The following PCCA variants were observed in gnomAD, a reference collection of about 807,000 sequenced individuals.
PCCA encodes propionyl-CoA carboxylase alpha chain, mitochondrial.
PCCA carries 74 observed loss-of-function variants against 101.3 expected under a neutral mutation model. The observed-to-expected ratio is 0.73, with a 90% confidence interval of 0.61 to 0.89. The LOEUF is 0.89. Among genes scored for constraint, PCCA ranks in the 40% least tolerant of loss-of-function variants. PCCA has a pLI of 0.00. For synonymous variants in PCCA, 294 were observed against 313.6 expected, an observed-to-expected ratio of 0.94 and a Z score of 0.66; for missense variants, 891 against 907.0, an observed-to-expected ratio of 0.98 and a Z score of 0.23.
intron 19 of PCCA, among the ~76,000 whole-genome samples, chr13:100,422,345 C>T (rs1222733426): frequency 6.6e-6 from 1 of 150,952 alleles, no homozygotes; most frequent in Non-Finnish European, 1.5e-5. Flanking sequence ...ACTTTGTTGC[C>T]CAGGCTGGTT....
intron 20 of PCCA, among the ~76,000 whole-genome samples, chr13:100,436,057 AAGAG>A (rs370401216): frequency 0.015 from 2,260 of 151,584 alleles, 46 homozygotes; most frequent in African/African-American, 0.05. Flanking sequence ...TAAAAAAAAA[AAGAG>A]AGAGAGAGAA....
At chr13:100,366,313 C>A (rs533804292) in intron 18 of PCCA, among the ~76,000 whole-genome samples, 2 of 152,192 alleles carry the variant, frequency 1.3e-5, no homozygotes, top group East Asian at 1.9e-4. Flanking sequence ...GGCACACAGT[C>A]CTGTCACACC....
intron 7 of PCCA, among the ~76,000 whole-genome samples, chr13:100,214,038 T>C (rs1207404416): frequency 1.3e-5 from 2 of 152,204 alleles, no homozygotes; most frequent in African/African-American, 2.4e-5. Flanking sequence ...GAATTCACTA[T>C]AGATATATGG....
chr13:100,326,544 CA>C (rs1173205361), intron 16 of PCCA, among the ~76,000 whole-genome samples: 1 of 151,818 alleles, frequency 6.6e-6, no homozygotes, highest in Non-Finnish European at 1.5e-5. Flanking sequence ...AATGAAAAAG[CA>C]AAAAAGGCAG....
intron 7 of PCCA, among the ~76,000 whole-genome samples, chr13:100,232,187 C>A (rs1417326336): frequency 6.6e-6 from 1 of 152,080 alleles, no homozygotes; most frequent in Non-Finnish European, 1.5e-5. Flanking sequence ...TGCTTTGCTG[C>A]CACTTCCTTA....
intron 12 of PCCA, 108 bp from the exon 13 acceptor site, chr13:100,301,352 A>C (rs1454073266): frequency 8.7e-6 from 10 of 1,147,246 alleles, no homozygotes; most frequent in Non-Finnish European, 1.3e-5. Flanking sequence ...TTCAAATGTT[A>C]CATTCGATTA....
intron 22 of PCCA, among the ~76,000 whole-genome samples, chr13:100,525,834 G>A (rs964575363): frequency 6.6e-6 from 1 of 152,224 alleles, no homozygotes; most frequent in Non-Finnish European, 1.5e-5. Flanking sequence ...GTGTTTGGGA[G>A]GCCGGCATGC....
chr13:100,312,508 T>C (rs1203453588), intron 16 of PCCA, among the ~76,000 whole-genome samples: 1 of 152,222 alleles, frequency 6.6e-6, no homozygotes, highest in African/African-American at 2.4e-5. Flanking sequence ...GTTATAGTAT[T>C]TTGGGAAAAT....
At chr13:100,231,204 A>C (rs1027611241) in intron 7 of PCCA, among the ~76,000 whole-genome samples, 1 of 152,202 alleles carries the variant, frequency 6.6e-6, no homozygotes, top group Non-Finnish European at 1.5e-5. Flanking sequence ...CTTTTCCACC[A>C]GCCTGTAAAT....
intron 21 of PCCA, among the ~76,000 whole-genome samples, chr13:100,511,424 G>A (rs1279783071): frequency 6.6e-6 from 1 of 152,166 alleles, no homozygotes; most frequent in African/African-American, 2.4e-5. Flanking sequence ...ACTAGGAAGA[G>A]AGCCTAATCT....
At chr13:100,227,986 T>C (rs1330835277) in intron 7 of PCCA, among the ~76,000 whole-genome samples, 1 of 152,192 alleles carries the variant, frequency 6.6e-6, no homozygotes, top group Non-Finnish European at 1.5e-5. Context: ...AAATTTGTTT[T>C]AACAATTCTG....
rs2066633848 is a variant in PCCA at position 100,308,413 on chromosome 13, C to T, written c.1353+1153C>T. Among the ~76,000 whole-genome samples the T allele has an allele frequency of 3.3e-5, 5 of 152,150 alleles. No individual in the cohort carries two copies. In the South Asian group the frequency reaches 1.0e-3, roughly 32 times the overall value. ...GATCTTGGCTCAGTGCAGCCTTGAC[C>T]TCCCAGGCTCAAGCGATCCACCTGC... is the stretch of plus-strand genomic sequence containing the variant. On this transcript the variant is annotated intron_variant, in intron 15 of 23. Coordinates refer to ENST00000376285, the MANE Select transcript of PCCA (RefSeq NM_000282.4).
At chr13:100,108,297 A>G (rs558867155) in intron 2 of PCCA, among the ~76,000 whole-genome samples, 147 of 152,336 alleles carry the variant, frequency 9.6e-4, no homozygotes, top group African/African-American at 3.3e-3. Context: ...GTTCTTCATT[A>G]TCTCTTCTGG....
At chr13:100,285,354 T>G (rs2064522950) in intron 12 of PCCA, among the ~76,000 whole-genome samples, 9 of 152,086 alleles carry the variant, frequency 5.9e-5, no homozygotes, top group Admixed American at 5.2e-4. Context: ...GTACAAAGCT[T>G]CTCTTTATAC....
At chr13:100,374,327 ATAT>A (rs1160136991) in intron 19 of PCCA, among the ~76,000 whole-genome samples, 5 of 152,196 alleles carry the variant, frequency 3.3e-5, no homozygotes, top group African/African-American at 1.2e-4. Context: ...CAAAGTAGAA[ATAT>A]TATTCAGCTT....
At chr13:100,450,360 C>G (rs1329717978) in intron 21 of PCCA, among the ~76,000 whole-genome samples, 4 of 151,016 alleles carry the variant, frequency 2.6e-5, no homozygotes, top group Non-Finnish European at 5.9e-5. Flanking sequence ...TGCCACTGCC[C>G]TCTAGCTTGT....
rs569139922 is a variant in PCCA at position 100,425,635 on chromosome 13, G to A, written c.1749G>A (p.Val583=). Reference sequence around the variant, plus strand: ...GGTCTTATTTGGTGTCACAACAGGTGGAAGTTGATGGGTCGAAACTAAATG... The same window carrying A: ...GGTCTTATTTGGTGTCACAACAGGTAGAAGTTGATGGGTCGAAACTAAATG... ...VASNNGSVFS[V]EVDGSKLNVT... The change falls in exon 20 of 24, where the codon GTG becomes GTA. Residue 583 remains valine (V), a splice_region_variant and synonymous_variant. Coordinates refer to ENST00000376285, the MANE Select transcript of PCCA (RefSeq NM_000282.4). 7 of 1,610,244 alleles carry A rather than the reference G, an allele frequency of 4.3e-6. No individual in the cohort carries two copies. Among genetic ancestry groups the A allele is most frequent in the African/African-American group, 4.0e-5 (3 of 74,972 alleles).
At chr13:100,392,351 A>G (rs1233077651) in intron 19 of PCCA, among the ~76,000 whole-genome samples, 9 of 152,216 alleles carry the variant, frequency 5.9e-5, no homozygotes, top group Admixed American at 5.9e-4. Flanking sequence ...ATTGCCTTTC[A>G]TACACCTTAA....
rs938193777 is a variant in PCCA, at chr13:100,394,176, C to T, written c.1746+25602C>T. ...TCTCAGATGGATTTAATTAGTCCTT[C>T]GTAGAACTGGATGTCCGTTTGTTGC... On this transcript the variant is annotated intron_variant, in intron 19 of 23. Transcript: ENST00000376285. The surrounding 1 kb of genome is among the most constrained non-coding windows in gnomAD (Gnocchi z 4.3). 6.6e-6 allele frequency among the ~76,000 whole-genome samples: 1 copy of T among 152,186 alleles called. No individual in the cohort carries two copies. The highest frequency in any genetic ancestry group is 1.5e-5 in the Non-Finnish European group (1 of 68,028).
Sources: gnomAD v4.1 joint callset for allele counts (sites outside exome capture counted in the v4.1 genomes callset) on GRCh38, gnomAD v4.1.1 for gene constraint, Gnocchi (gnomAD v3.1) non-coding constraint, MANE v1.5 for transcripts, NCBI Gene and HGNC (gene_info 2026-07-23, HGNC 2026-07-21) for gene names.